Variants in QTMAN observed in about 807,000 individuals in gnomAD.
QTMAN encodes tRNA-queuosine alpha-mannosyltransferase.
At chr2:143,956,528 T>C in the QTMAN span, among the ~76,000 whole-genome samples, 2 of 152,162 alleles carry the variant, frequency 1.3e-5, no homozygotes, top group Non-Finnish European at 2.9e-5. Flanking sequence ...TTTATGTCAA[T>C]CTATTTAAAA....
the QTMAN span, among the ~76,000 whole-genome samples, chr2:144,167,600 T>C: frequency 2.0e-5 from 3 of 152,032 alleles, no homozygotes; most frequent in East Asian, 3.9e-4. Context: ...TTTATGAGTA[T>C]CTGGCCATTT....
At chr2:144,061,594 A>T in the QTMAN span, among the ~76,000 whole-genome samples, 1 of 152,178 alleles carries the variant, frequency 6.6e-6, no homozygotes, top group African/African-American at 2.4e-5. Flanking sequence ...AGGTGCTGAC[A>T]TGTTTTACCT....
chr2:144,282,843 G>A, the QTMAN span, among the ~76,000 whole-genome samples: 3 of 152,160 alleles, frequency 2.0e-5, no homozygotes, highest in South Asian at 6.2e-4. Flanking sequence ...CATCCTATGC[G>A]GAGGGGAAAG....
the QTMAN span, among the ~76,000 whole-genome samples, chr2:144,109,589 C>T: frequency 6.6e-6 from 1 of 151,942 alleles, no homozygotes; most frequent in African/African-American, 2.4e-5. Context: ...CAAAAGAAAT[C>T]ACCATCAGAG....
the QTMAN span, among the ~76,000 whole-genome samples, chr2:144,112,956 T>G: frequency 6.6e-6 from 1 of 151,758 alleles, no homozygotes; most frequent in Non-Finnish European, 1.5e-5. Context: ...CCTTCACACA[T>G]CAGAGCAATA....
the QTMAN span, among the ~76,000 whole-genome samples, chr2:144,311,128 G>T: frequency 6.6e-6 from 1 of 152,128 alleles, no homozygotes; most frequent in Non-Finnish European, 1.5e-5. Context: ...GATAGATAAG[G>T]TGTGTATTTA....
the QTMAN span, among the ~76,000 whole-genome samples, chr2:144,127,716 C>T: frequency 6.6e-6 from 1 of 152,064 alleles, no homozygotes; most frequent in East Asian, 1.9e-4. Context: ...TACCTATGTT[C>T]TCTCTCACAT....
chr2:144,265,902 G>C, the QTMAN span, among the ~76,000 whole-genome samples: 2 of 152,138 alleles, frequency 1.3e-5, no homozygotes, highest in Non-Finnish European at 2.9e-5. Context: ...GGAGAATCCA[G>C]TTTGACTCCT....
At chr2:144,320,078 A>G in the QTMAN span, among the ~76,000 whole-genome samples, 2 of 152,370 alleles carry the variant, frequency 1.3e-5, no homozygotes, top group South Asian at 2.1e-4. Flanking sequence ...TTGAAAAACC[A>G]GATTTTTTAA....
the QTMAN span, among the ~76,000 whole-genome samples, chr2:144,164,521 T>C: frequency 6.6e-6 from 1 of 152,216 alleles, no homozygotes; most frequent in Non-Finnish European, 1.5e-5. Context: ...TTACTATTCT[T>C]GTTTTCATCA....
At chr2:144,307,034 G>A in the QTMAN span, among the ~76,000 whole-genome samples, 10 of 151,484 alleles carry the variant, frequency 6.6e-5, 1 homozygote, top group East Asian at 1.9e-4. Flanking sequence ...GGTGGTGCAC[G>A]CCTGTAGTCC....
chr2:144,265,406 G>T, the QTMAN span, among the ~76,000 whole-genome samples: 1 of 152,098 alleles, frequency 6.6e-6, no homozygotes, highest in Non-Finnish European at 1.5e-5. Flanking sequence ...CCTCTTTCAA[G>T]AATACCCTCG....
At chr2:144,134,361 G>A in the QTMAN span, among the ~76,000 whole-genome samples, 1 of 152,048 alleles carries the variant, frequency 6.6e-6, no homozygotes, top group African/African-American at 2.4e-5. Context: ...TCTCATTTCA[G>A]CTACATAGAA....
the QTMAN span, among the ~76,000 whole-genome samples, chr2:144,034,795 T>C: frequency 6.6e-6 from 1 of 152,208 alleles, no homozygotes; most frequent in African/African-American, 2.4e-5. Context: ...TTCTGTTTTA[T>C]TTTGTCATGT....
chr2:144,007,509 TG>T, the QTMAN span: 7 of 1,594,364 alleles, frequency 4.4e-6, no homozygotes, highest in Non-Finnish European at 6.0e-6. Flanking sequence ...CTTCTTTAAA[TG>T]GGTTGTTTTG....
At chr2:144,133,151 A>ATATAATATATATAT in the QTMAN span, among the ~76,000 whole-genome samples, 1 of 51,388 alleles carries the variant, frequency 1.9e-5, no homozygotes, top group African/African-American at 9.0e-5. Flanking sequence ...ATATATATAT[A>ATATAATATATATAT]ATATAATATA....
chr2:144,045,492 T>C, the QTMAN span, among the ~76,000 whole-genome samples: 14 of 152,166 alleles, frequency 9.2e-5, no homozygotes, highest in Non-Finnish European at 1.8e-4. Context: ...AATATCCCGG[T>C]GCATCAACTA....
At chr2:143,968,150 C>A in the QTMAN span, among the ~76,000 whole-genome samples, 1 of 152,160 alleles carries the variant, frequency 6.6e-6, no homozygotes, top group South Asian at 2.1e-4. Flanking sequence ...GATGAAGTGC[C>A]ATGGCCGTGA....
At chr2:144,196,213 CCACACACACACACACACACACA>C in the QTMAN span, among the ~76,000 whole-genome samples, 2 of 142,428 alleles carry the variant, frequency 1.4e-5, no homozygotes, top group Non-Finnish European at 3.1e-5. Flanking sequence ...GCACACATAG[CCACACACACACACACACACACA>C]CACACACACA....
Sources: allele counts gnomAD v4.1 joint callset (sites outside exome capture counted in the v4.1 genomes callset), GRCh38; gene constraint gnomAD v4.1.1; transcripts MANE v1.5; gene names NCBI Gene and HGNC (gene_info 2026-07-23, HGNC 2026-07-21).